The following ZNF891 variants were observed in gnomAD, a reference collection of about 807,000 sequenced individuals.
ZNF891 encodes zinc finger protein 891.
For synonymous variants in ZNF891, 199 were observed against 209.0 expected, an observed-to-expected ratio of 0.95 and a Z score of 0.41; for missense variants, 589 against 632.7, an observed-to-expected ratio of 0.93 and a Z score of 0.74.
At chr12:133,128,506 C>A (rs554042584) in intron 1 of ZNF891, among the ~76,000 whole-genome samples, 4 of 152,108 alleles carry the variant, frequency 2.6e-5, no homozygotes, top group Non-Finnish European at 5.9e-5. Context: ...TGGCAGTGTG[C>A]GCCTGTGATC....
At position 133,105,919 on chromosome 12, in the gene ZNF891, G is replaced by T. The variant is rs1200275086; in HGVS notation, c.*14365C>A. ...AACACCAAATGATACATACTGGAAA[G>T]AAACCCCATGAGTGTAAGGACTGTA... is the stretch of plus-strand genomic sequence containing the variant. On this transcript the variant is annotated 3_prime_UTR_variant, in exon 2 of 2. Coordinates refer to ENST00000537226, the MANE Select transcript of ZNF891 (RefSeq NM_001277291.2). 6.2e-7 allele frequency: 1 copy of T among 1,614,034 alleles called. No homozygotes were observed. The highest frequency in any genetic ancestry group is 8.5e-7 in the Non-Finnish European group (1 of 1,180,028).
At position 133,108,406 on chromosome 12, in the gene ZNF891, T is replaced by C. The variant is rs1447735573; in HGVS notation, c.*11878A>G. On this transcript the variant is annotated 3_prime_UTR_variant, in exon 2 of 2. Transcript: ENST00000537226. ...TTCATTATTTATTTATTTAAGAGTA[T>C]ACTCAATTTCTCCCATTATCTGCTC... is the stretch of plus-strand genomic sequence containing the variant. 6.6e-6 allele frequency: 1 copy of C among 152,022 alleles called. No individual in the cohort carries two copies. The highest frequency in any genetic ancestry group is 2.4e-5 in the African/African-American group (1 of 41,402). 9.4% of individuals were successfully genotyped at this position (152,022 alleles called of 1,614,324 possible). A position where few individuals can be genotyped will look rare whatever the true frequency, so the allele number is the denominator to read the frequency against.
intron 1 of ZNF891, among the ~76,000 whole-genome samples, chr12:133,124,375 G>A (rs756131708): frequency 1.6e-4 from 25 of 152,058 alleles, no homozygotes; most frequent in Non-Finnish European, 2.9e-4. Context: ...GGAGAAAAAA[G>A]GGAACAGAAA....
Position 133,120,309 on chromosome 12 carries a change from ATTCTCT to A in ZNF891, c.1604_1609del (p.Lys535_Arg536del). 1 of 1,544,782 alleles carries A rather than the reference ATTCTCT, an allele frequency of 6.5e-7. No homozygotes were observed. The highest frequency in any genetic ancestry group is 1.2e-5 in the South Asian group (1 of 84,706). On this transcript the variant is annotated inframe_deletion, in exon 2 of 2. Coordinates refer to ENST00000537226, the MANE Select transcript of ZNF891 (RefSeq NM_001277291.2). ...TTACAGGGTTTCTCTCTCAGTATGAATTCTCTTGTGTATAATAAGTGAAGAGCTCTG... is the reference window on the plus strand; with the variant it reads ...TTACAGGGTTTCTCTCTCAGTATGAATGTGTATAATAAGTGAAGAGCTCTG...
rs759984099 is a variant in ZNF891, at chr12:133,120,840, G to C, written c.1079C>G (p.Ser360Cys). ...CKECGKVFND[S>C]STLRRHVRTH... ...TCTTACATGTCTCCTTAAGGTTGAG[G>C]AATCATTGAACACTTTACCACATTC... Residue 360 changes from serine to cysteine, a missense_variant, in exon 2 of 2, where the codon TCC becomes TGC. Transcript: ENST00000537226. 3.1e-5 allele frequency: 48 copies of C among 1,554,256 alleles called. No individual in the cohort carries two copies. The African/African-American group carries it at 4.8e-4, about 15-fold the overall frequency.
rs1270407222 is a variant in ZNF891 at position 133,121,349 on chromosome 12, G to A, written c.570C>T (p.Asp190=). 2 of 1,535,906 alleles carry A rather than the reference G, an allele frequency of 1.3e-6. No individual in the cohort carries two copies. Among genetic ancestry groups the A allele is most frequent in the African/African-American group, 1.4e-5 (1 of 73,032 alleles). The change falls in exon 2 of 2, where the codon GAC becomes GAT. Residue 190 remains aspartate, a synonymous_variant. Transcript: ENST00000537226. ...TAGAGTTTTCCTCTAATTCATGATA[G>A]TCACGGAATAGCTCCTGAGGTACTG... The part of the protein sequence containing the change: ...KKTVPQELFR[D]YHELEENSKL...
chr12:133,120,794 G>C lies in ZNF891; in HGVS notation c.1125C>G (p.Pro375=), dbSNP rs1046808707. The change falls in exon 2 of 2, where the codon CCC becomes CCG. Residue 375 remains proline, a synonymous_variant. Transcript: ENST00000537226. ...RHVRTHTGEK[P]YECNQCGKAF... ...CTTTTCCACATTGATTACATTCATAGGGTTTCTCTCCAGTGTGAGTTCTTA... is the reference window on the plus strand; with the variant it reads ...CTTTTCCACATTGATTACATTCATACGGTTTCTCTCCAGTGTGAGTTCTTA... The C allele has an allele frequency of 6.4e-7, 1 of 1,570,108 alleles. No homozygotes were observed. The highest frequency in any genetic ancestry group is 1.4e-5 in the African/African-American group (1 of 73,558).
At position 133,121,533 on chromosome 12, in the gene ZNF891, A is replaced by C; in HGVS notation, c.386T>G (p.Ile129Ser). The C allele has an allele frequency of 2.6e-6, 4 of 1,536,344 alleles. No individual in the cohort carries two copies. The highest frequency in any genetic ancestry group is 3.5e-6 in the Non-Finnish European group (4 of 1,146,958). The change falls in exon 2 of 2, where the codon ATT becomes AGT. Residue 129 changes from isoleucine (I) to serine (S), a missense_variant. Physicochemically the swap from Ile to Ser is moderately radical, Grantham distance 142. Transcript: ENST00000537226. ...TGCATTGGATGGTTCCTCCCACAAA[A>C]TTTTCTGCACAGTTGATTCTTTGGT... Reference protein sequence around the residue: ...PKTKESTVQKILWEEPSNAVK... With the variant: ...PKTKESTVQKSLWEEPSNAVK...
In ZNF891 at chr12:133,106,836, T is replaced by TA. The variant is rs1955618286; in HGVS notation, c.*13447dup. ...CAGGAATATGTGGAAAAGCCATTAATAACCACTCTTTTATTTTTTTGCAAT... is the reference window on the plus strand; with the variant it reads ...CAGGAATATGTGGAAAAGCCATTAATAAACCACTCTTTTATTTTTTTGCAAT... On this transcript the variant is annotated 3_prime_UTR_variant, in exon 2 of 2. Coordinates refer to ENST00000537226, the MANE Select transcript of ZNF891 (RefSeq NM_001277291.2). 2.1e-6 allele frequency: 1 copy of TA among 473,674 alleles called. No individual in the cohort carries two copies. The highest frequency in any genetic ancestry group is 3.9e-5 in the Admixed American group (1 of 25,938). 29.3% of individuals were successfully genotyped at this position (473,674 alleles called of 1,614,324 possible).
Position 133,107,326 on chromosome 12 carries a change from G to C in ZNF891, c.*12958C>G, listed in dbSNP as rs775049446. The C allele has an allele frequency of 6.6e-6, 1 of 152,168 alleles. No individual in the cohort carries two copies. Among genetic ancestry groups the C allele is most frequent in the Non-Finnish European group, 1.5e-5 (1 of 68,014 alleles). 9.4% of individuals were successfully genotyped at this position (152,168 alleles called of 1,614,324 possible). A position where few individuals can be genotyped will look rare whatever the true frequency, so the allele number is the denominator to read the frequency against. On this transcript the variant is annotated 3_prime_UTR_variant, in exon 2 of 2. Coordinates refer to ENST00000537226, the MANE Select transcript of ZNF891 (RefSeq NM_001277291.2). ...GATATCTGAAAAGTCATACTGGATGGAATCTGTAGGAAACGGTTCTATTTT... is the reference window on the plus strand; with the variant it reads ...GATATCTGAAAAGTCATACTGGATGCAATCTGTAGGAAACGGTTCTATTTT...
At chr12:133,129,929 GAGA>G (rs1201573241) in intron 1 of ZNF891, among the ~76,000 whole-genome samples, 3 of 152,194 alleles carry the variant, frequency 2.0e-5, no homozygotes, top group Non-Finnish European at 2.9e-5. Context: ...GTGTTGCTTA[GAGA>G]AGGAGGCAAA....
At chr12:133,129,496 CTG>C (rs1955852883) in intron 1 of ZNF891, among the ~76,000 whole-genome samples, 7 of 121,592 alleles carry the variant, frequency 5.8e-5, no homozygotes, top group Admixed American at 3.5e-4. Flanking sequence ...GAGCGAAACT[CTG>C]TCTCAAAAAA....
rs1955695443 is a variant in ZNF891, at chr12:133,113,099, ATATATT to A, written c.*7179_*7184del. On this transcript the variant is annotated 3_prime_UTR_variant, in exon 2 of 2. Transcript: ENST00000537226. ...ATATATTTATATTTATTTATTAAAA[ATATATT>A]TATAAAATATAAAAAAATATATTTT... 1 of 147,732 alleles carries A rather than the reference ATATATT, an allele frequency of 6.8e-6. No individual in the cohort carries two copies. Among genetic ancestry groups the A allele is most frequent in the Admixed American group, 6.8e-5 (1 of 14,790 alleles). 9.2% of individuals were successfully genotyped at this position (147,732 alleles called of 1,614,324 possible).
Position 133,114,402 on chromosome 12 carries a change from C to T in ZNF891, c.*5882G>A, listed in dbSNP as rs1046282197. On this transcript the variant is annotated 3_prime_UTR_variant, in exon 2 of 2. Transcript: ENST00000537226. ...AACTCCTGGGCTCAAGCAATCCTCCCACGTCAGCCTCCAGAGCAGATAGGA... is the reference window on the plus strand; with the variant it reads ...AACTCCTGGGCTCAAGCAATCCTCCTACGTCAGCCTCCAGAGCAGATAGGA... The T allele has an allele frequency of 6.6e-6, 1 of 152,332 alleles. No individual in the cohort carries two copies. Among genetic ancestry groups the T allele is most frequent in the African/African-American group, 2.4e-5 (1 of 41,440 alleles). 9.4% of individuals were successfully genotyped at this position (152,332 alleles called of 1,614,324 possible). A position where few individuals can be genotyped will look rare whatever the true frequency, so the allele number is the denominator to read the frequency against.
intron 1 of ZNF891, among the ~76,000 whole-genome samples, chr12:133,127,722 A>T (rs1172678254): frequency 1.3e-5 from 2 of 152,216 alleles, no homozygotes; most frequent in Non-Finnish European, 2.9e-5. Flanking sequence ...ATGAGGGCAA[A>T]AGGGAAGCCC....
Position 133,116,569 on chromosome 12 carries a change from T to C in ZNF891, c.*3715A>G, listed in dbSNP as rs924225064. 2.6e-5 allele frequency: 4 copies of C among 152,184 alleles called. No individual in the cohort carries two copies. The highest frequency in any genetic ancestry group is 9.7e-5 in the African/African-American group (4 of 41,436). 9.4% of individuals were successfully genotyped at this position (152,184 alleles called of 1,614,324 possible). ...ATCATCTTCTTACAGACTGCTGGGATTTAACCTATACTCCCTCTAAATTTT... is the reference window on the plus strand; with the variant it reads ...ATCATCTTCTTACAGACTGCTGGGACTTAACCTATACTCCCTCTAAATTTT... On this transcript the variant is annotated 3_prime_UTR_variant, in exon 2 of 2. Transcript: ENST00000537226.
rs1955642144 is a variant in ZNF891, at chr12:133,107,586, A to T, written c.*12698T>A. On this transcript the variant is annotated 3_prime_UTR_variant, in exon 2 of 2. Coordinates refer to ENST00000537226, the MANE Select transcript of ZNF891 (RefSeq NM_001277291.2). Reference sequence around the variant, plus strand: ...ATTTTAACTTTCAGACAGAGTTTGGATTTAAGGTAATGCTGACAGTTATCC... The same window carrying T: ...ATTTTAACTTTCAGACAGAGTTTGGTTTTAAGGTAATGCTGACAGTTATCC... 1 of 152,224 alleles carries T rather than the reference A, an allele frequency of 6.6e-6. No homozygotes were observed. Among genetic ancestry groups the T allele is most frequent in the Non-Finnish European group, 1.5e-5 (1 of 68,036 alleles). 9.4% of individuals were successfully genotyped at this position (152,224 alleles called of 1,614,324 possible).
intron 1 of ZNF891, chr12:133,126,085 G>C (rs1223718714): frequency 6.0e-6 from 1 of 165,416 alleles, no homozygotes; most frequent in Non-Finnish European, 1.3e-5. Context: ...AATAATCAGA[G>C]AGATATTTCC....
chr12:133,119,220 A>AT lies in ZNF891; in HGVS notation c.*1063dup, dbSNP rs1230315940. Reference sequence around the variant, plus strand: ...GAGAGACAGAGACTCTGTCTGAAAAATTGAAAAAAAAAAAGAAAAAATCAA... The same window carrying AT: ...GAGAGACAGAGACTCTGTCTGAAAAATTTGAAAAAAAAAAAGAAAAAATCAA... On this transcript the variant is annotated 3_prime_UTR_variant, in exon 2 of 2. Coordinates refer to ENST00000537226, the MANE Select transcript of ZNF891 (RefSeq NM_001277291.2). 7.0e-6 allele frequency: 1 copy of AT among 143,180 alleles called. No individual in the cohort carries two copies. Among genetic ancestry groups the AT allele is most frequent in the Non-Finnish European group, 1.6e-5 (1 of 63,040 alleles). 8.9% of individuals were successfully genotyped at this position (143,180 alleles called of 1,614,324 possible).
Sources: gnomAD v4.1 joint callset for allele counts (sites outside exome capture counted in the v4.1 genomes callset) on GRCh38, gnomAD v4.1.1 for gene constraint, MANE v1.5 for transcripts, NCBI Gene and HGNC (gene_info 2026-07-23, HGNC 2026-07-21) for gene names.